NELL2: variants seen among roughly 807,000 people sequenced by gnomAD.
NELL2 encodes the protein neural EGFL like 2.
In NELL2, 41 loss-of-function variants were observed where a neutral mutation model predicts 109.6. The ratio of observed to expected loss-of-function variants is 0.37; its 90% CI spans 0.29 to 0.49. NELL2 has a LOEUF of 0.49. NELL2 is among the 20% of genes least tolerant of loss of function. The pLI is 0.98. For missense variants in NELL2, 900 were observed against 1,008.3 expected (o/e 0.89, Z 1.45); for synonymous variants, 355 against 344.7 (o/e 1.03, Z -0.33).
intron 13 of NELL2, among the ~76,000 whole-genome samples, chr12:44,641,988 CGCCCG>C (rs1385181079): frequency 1.8e-4 from 27 of 152,070 alleles, no homozygotes; most frequent in African/African-American, 6.0e-4. Context: ...TAAGCCAGCG[CGCCCG>C]GCCCAGTTTC....
chr12:44,773,137 C>T (rs190355329), intron 9 of NELL2, among the ~76,000 whole-genome samples: 34 of 152,200 alleles, frequency 2.2e-4, no homozygotes, highest in Admixed American at 1.1e-3. Flanking sequence ...TCTGTCATAT[C>T]CATGAATAAC....
In NELL2 at chr12:44,774,901, T is replaced by A. The variant is rs575086151; in HGVS notation, c.892-52A>T. 1.7e-3 allele frequency: 2,384 copies of A among 1,423,964 alleles called. 3 individuals carry two copies. The highest frequency in any genetic ancestry group is 2.0e-3 in the Non-Finnish European group (2,085 of 1,019,130). 88.2% of individuals were successfully genotyped at this position (1,423,964 alleles called of 1,614,324 possible). On this transcript the variant is annotated intron_variant, in intron 8 of 19. Coordinates refer to ENST00000429094, the MANE Select transcript of NELL2 (RefSeq NM_001145108.2). ...TTTCCATGTTAGAGTTTAGTAGTTT[T>A]CAAGAATTTTTGAATTCATTCCTTA...
At chr12:44,693,532 CG>C (rs1264835877) in intron 12 of NELL2, among the ~76,000 whole-genome samples, 1 of 152,156 alleles carries the variant, frequency 6.6e-6, no homozygotes, top group Non-Finnish European at 1.5e-5. Flanking sequence ...AAATTTAGAA[CG>C]GTTTCATCTT....
At chr12:44,802,393 A>G (rs576465408) in intron 3 of NELL2, among the ~76,000 whole-genome samples, 161 of 152,260 alleles carry the variant, frequency 1.1e-3, no homozygotes, top group African/African-American at 3.7e-3. Flanking sequence ...CAGAAGAGTC[A>G]TATCAGGATG....
chr12:44,677,546 G>T (rs759681294), intron 12 of NELL2, among the ~76,000 whole-genome samples: 8 of 152,062 alleles, frequency 5.3e-5, no homozygotes, highest in Non-Finnish European at 1.0e-4. Flanking sequence ...GTGTTCAGCA[G>T]GGACATGAGA....
intron 10 of NELL2, 85 bp from the exon 11 acceptor site, chr12:44,711,479 C>A (rs999470906): frequency 4.3e-6 from 5 of 1,170,642 alleles, no homozygotes; most frequent in Non-Finnish European, 6.2e-6. Context: ...TGAGAAGACT[C>A]TTTTAAGATC....
At chr12:44,675,714 C>T (rs769130925) in intron 12 of NELL2, among the ~76,000 whole-genome samples, 13 of 151,836 alleles carry the variant, frequency 8.6e-5, no homozygotes, top group Admixed American at 1.3e-4. Flanking sequence ...TTTTGTGAGC[C>T]ATATTAAAGA....
At chr12:44,853,508 A>G (rs1944590911) in intron 2 of NELL2, among the ~76,000 whole-genome samples, 1 of 152,148 alleles carries the variant, frequency 6.6e-6, no homozygotes, top group Non-Finnish European at 1.5e-5. Flanking sequence ...TTCTTCTCCT[A>G]GAGTGAAAAA....
intron 1 of NELL2, among the ~76,000 whole-genome samples, chr12:44,893,254 AAATTCTT>A (rs1316429697): frequency 4.6e-5 from 7 of 152,186 alleles, no homozygotes; most frequent in African/African-American, 7.2e-5. Flanking sequence ...TCCAACACCC[AAATTCTT>A]AATCAGTTCT....
At chr12:44,678,709 T>C (rs1948398437) in intron 12 of NELL2, among the ~76,000 whole-genome samples, 1 of 152,084 alleles carries the variant, frequency 6.6e-6, no homozygotes, top group African/African-American at 2.4e-5. Context: ...CAGTGTAGTA[T>C]CATGAAGACA....
intron 2 of NELL2, among the ~76,000 whole-genome samples, chr12:44,848,062 T>G (rs1015060215): frequency 4.8e-5 from 7 of 146,890 alleles, no homozygotes; most frequent in Admixed American, 1.4e-4. Flanking sequence ...AGAAAAAGAC[T>G]CTTGCCCACT....
intron 3 of NELL2, among the ~76,000 whole-genome samples, chr12:44,815,564 A>G (rs1208185087): frequency 3.3e-5 from 5 of 152,218 alleles, no homozygotes; most frequent in Admixed American, 6.5e-5. Flanking sequence ...ATTACTTTCA[A>G]TTACCTGTGT....
intron 16 of NELL2, among the ~76,000 whole-genome samples, chr12:44,529,290 A>G (rs1308879647): frequency 1.3e-5 from 2 of 152,118 alleles, no homozygotes; most frequent in Non-Finnish European, 2.9e-5. Flanking sequence ...ATATGAGGAA[A>G]AGAAGGAAGG....
rs1944306189 is a variant in NELL2, at chr12:44,844,183, C to T, written c.185-28047G>A. 3.9e-5 allele frequency among the ~76,000 whole-genome samples: 6 copies of T among 152,174 alleles called. No individual in the cohort carries two copies. In the South Asian group the frequency reaches 1.2e-3, roughly 32 times the overall value. On this transcript the variant is annotated intron_variant, in intron 2 of 19. Coordinates refer to ENST00000429094, the MANE Select transcript of NELL2 (RefSeq NM_001145108.2). Reference sequence around the variant, plus strand: ...CCCATTCACAAGGGAGAAACCTTTACAGCCTAAACATCTCTGAAAGATTCC... The same window carrying T: ...CCCATTCACAAGGGAGAAACCTTTATAGCCTAAACATCTCTGAAAGATTCC...
intron 2 of NELL2, among the ~76,000 whole-genome samples, chr12:44,836,275 C>T (rs1944051590): frequency 6.6e-6 from 1 of 152,190 alleles, no homozygotes; most frequent in Non-Finnish European, 1.5e-5. Flanking sequence ...TCTATTCCCA[C>T]ACTAGGCGGG....
rs149867345 is a variant in NELL2, at chr12:44,895,965, G to A, written c.38+17834C>T. ...AAATAAAACATATTTTGCTATGCTC[G>A]GTTTTATAACATGCTATATTCTGAT... On this transcript the variant is annotated intron_variant, in intron 1 of 20. Transcript: ENST00000333837. Among the ~76,000 whole-genome samples, 735 of 152,078 alleles carry A rather than the reference G, an allele frequency of 4.8e-3. 5 individuals carry two copies. The highest frequency in any genetic ancestry group is 0.017 in the African/African-American group (689 of 41,472).
intron 13 of NELL2, among the ~76,000 whole-genome samples, chr12:44,662,874 G>A (rs537651431): frequency 1.2e-3 from 182 of 152,154 alleles, no homozygotes; most frequent in African/African-American, 4.3e-3. Flanking sequence ...GGATACAGAA[G>A]CAAAACAAAC....
chr12:44,730,561 G>T (rs903947575), intron 9 of NELL2, among the ~76,000 whole-genome samples: 4 of 151,728 alleles, frequency 2.6e-5, no homozygotes, highest in Admixed American at 6.6e-5. Context: ...AATCAAAAAA[G>T]AAATTTTAAA....
At chr12:44,660,835 A>G (rs1947715889) in intron 13 of NELL2, among the ~76,000 whole-genome samples, 1 of 152,158 alleles carries the variant, frequency 6.6e-6, no homozygotes, top group Admixed American at 6.5e-5. Context: ...AAAATTCTTG[A>G]TTCTGTTATA....
Sources: gnomAD v4.1 joint callset for allele counts (sites outside exome capture counted in the v4.1 genomes callset) on GRCh38, gnomAD v4.1.1 for gene constraint, MANE v1.5 for transcripts, NCBI Gene and HGNC (gene_info 2026-07-23, HGNC 2026-07-21) for gene names.